FNTB: variants seen among roughly 807,000 people sequenced by gnomAD.
FNTB encodes protein farnesyltransferase subunit beta.
In FNTB, 27 loss-of-function variants were observed where a neutral mutation model predicts 59.4. That is an observed-to-expected ratio of 0.45 (90% CI 0.34 to 0.63). FNTB has a LOEUF of 0.63. Ranked by LOEUF, FNTB falls within the 20% of genes least tolerant of loss-of-function variation. FNTB has a pLI of 0.02. For synonymous variants in FNTB, 230 were observed against 220.7 expected (o/e 1.04, Z -0.37); for missense variants, 449 against 559.6 (o/e 0.80, Z 1.99).
Position 65,004,121 on chromosome 14 carries a change from G to C in FNTB, c.145-128G>C. 3 of 922,506 alleles carry C rather than the reference G, an allele frequency of 3.3e-6. No homozygotes were observed. In the South Asian group the frequency reaches 5.0e-5, roughly 15 times the overall value. 57.1% of individuals were successfully genotyped at this position (922,506 alleles called of 1,614,324 possible). Reference sequence around the variant, plus strand: ...GTCATCCTGCAGAACCCATCTTACAGTACTGTGAAGTTCCAGACCATACCA... The same window carrying C: ...GTCATCCTGCAGAACCCATCTTACACTACTGTGAAGTTCCAGACCATACCA... On this transcript the variant is annotated intron_variant, in intron 1 of 11. Transcript: ENST00000246166.
At chr14:65,049,911 A>C (rs577758438) in intron 9 of FNTB, among the ~76,000 whole-genome samples, 22 of 152,256 alleles carry the variant, frequency 1.4e-4, no homozygotes, top group Admixed American at 1.3e-3. Context: ...TACACATTAA[A>C]TATTTTCTTA....
At position 65,054,087 on chromosome 14, in the gene FNTB, GGGCTGGAGGATGGGGCTTTTATTTTAT is replaced by G. The variant is rs2062674756; in HGVS notation, c.1068-487_1068-461del. On this transcript the variant is annotated intron_variant, in intron 10 of 11. Transcript: ENST00000246166. This position sits in a 1 kb window ranked among gnomAD's most constrained non-coding sequence, Gnocchi z 4.4. ...AAAATACAGTTCCCACTGCTGGGCA[GGGCTGGAGGATGGGGCTTTTATTTTAT>G]TGTATTTTACTTTTTTGAGACAGGG... is the stretch of plus-strand genomic sequence containing the variant. Among the ~76,000 whole-genome samples, 1 of 152,110 alleles carries G rather than the reference GGGCTGGAGGATGGGGCTTTTATTTTAT, an allele frequency of 6.6e-6. No individual in the cohort carries two copies. Among genetic ancestry groups the G allele is most frequent in the African/African-American group, 2.4e-5 (1 of 41,428 alleles).
chr14:65,037,403 C>CTTTTTTTTTTTTTTTTTTTTTTTTTTTTT, intron 7 of FNTB, among the ~76,000 whole-genome samples: 9 of 29,648 alleles, frequency 3.0e-4, no homozygotes, highest in Admixed American at 8.5e-4. Context: ...ACGCCGGGCC[C>CTTTTTTTTTTTTTTTTTTTTTTTTTTTTT]TTTTTTTTTT....
intron 2 of FNTB, among the ~76,000 whole-genome samples, chr14:65,008,430 CCTGGGCCTGCCCCTG>C (rs1468133319): frequency 6.6e-6 from 1 of 152,200 alleles, no homozygotes; most frequent in Non-Finnish European, 1.5e-5. Flanking sequence ...CAAGGCTAGC[CCTGGGCCTGCCCCTG>C]CTGGGCTCTT....
chr14:64,988,986 A>G (rs1888068729), intron 1 of FNTB, among the ~76,000 whole-genome samples: 1 of 152,034 alleles, frequency 6.6e-6, no homozygotes, highest in Admixed American at 6.6e-5. Flanking sequence ...TTCACTTTTT[A>G]TGGATGAGAA....
intron 7 of FNTB, among the ~76,000 whole-genome samples, chr14:65,034,428 C>G (rs980052958): frequency 6.6e-5 from 10 of 152,214 alleles, no homozygotes; most frequent in African/African-American, 2.4e-5. Flanking sequence ...GTGTTCTAAT[C>G]TCACACTTAA....
rs999148858 is a variant in FNTB, at chr14:65,012,410, C to G, written c.282+21C>G. 1.2e-6 allele frequency: 2 copies of G among 1,613,904 alleles called. No individual in the cohort carries two copies. The highest frequency in any genetic ancestry group is 3.3e-4 in the Middle Eastern group (2 of 6,058). On this transcript the variant is annotated intron_variant, in intron 3 of 11. Transcript: ENST00000246166. The surrounding 1 kb of genome is among the most constrained non-coding windows in gnomAD (Gnocchi z 5.0). Reference sequence around the variant, plus strand: ...ATGAGGTAAACACATTACCCAGGAACTCTTGCTGTCAAATTATCCACCAAA... The same window carrying G: ...ATGAGGTAAACACATTACCCAGGAAGTCTTGCTGTCAAATTATCCACCAAA...
At chr14:65,019,004 G>C (rs1256688666) in intron 4 of FNTB, among the ~76,000 whole-genome samples, 1 of 151,936 alleles carries the variant, frequency 6.6e-6, no homozygotes, top group Non-Finnish European at 1.5e-5. Flanking sequence ...TACTCAGGAG[G>C]CTGTTTGTTT....
chr14:64,993,329 G>A (rs1324665558), intron 1 of FNTB, among the ~76,000 whole-genome samples: 1 of 152,190 alleles, frequency 6.6e-6, no homozygotes, highest in Non-Finnish European at 1.5e-5. Context: ...ACACATGGAA[G>A]TGTGAGTTTA....
At position 64,994,472 on chromosome 14, in the gene FNTB, C is replaced by G. The variant is rs1269793194; in HGVS notation, c.144+7375C>G. On this transcript the variant is annotated intron_variant, in intron 1 of 11. Transcript: ENST00000246166. This position sits in a 1 kb window ranked among gnomAD's most constrained non-coding sequence, Gnocchi z 4.2. ...CAAATGTAGATGGCATAGCCTACTA[C>G]ACACCTAGGCTATATGGTATAGCTT... Among the ~76,000 whole-genome samples, 1 of 152,156 alleles carries G rather than the reference C, an allele frequency of 6.6e-6. No individual in the cohort carries two copies. The highest frequency in any genetic ancestry group is 2.4e-5 in the African/African-American group (1 of 41,422).
intron 11 of FNTB, among the ~76,000 whole-genome samples, chr14:65,059,637 C>T (rs1029357115): frequency 6.6e-6 from 1 of 152,016 alleles, no homozygotes; most frequent in Non-Finnish European, 1.5e-5. Flanking sequence ...GCAGTTGTGT[C>T]CCCTTCTTCA....
chr14:65,017,241 C>T (rs535907364), intron 4 of FNTB, among the ~76,000 whole-genome samples: 2 of 152,176 alleles, frequency 1.3e-5, no homozygotes, highest in South Asian at 4.1e-4. Flanking sequence ...TTTTGAAATA[C>T]CAGCTCGGGG....
chr14:65,017,384 C>A (rs2061796078), intron 4 of FNTB, among the ~76,000 whole-genome samples: 1 of 152,106 alleles, frequency 6.6e-6, no homozygotes, highest in South Asian at 2.1e-4. Context: ...TTTCTGTGAG[C>A]CTGGATCTGA....
chr14:65,037,261 G>A (rs139532941), intron 7 of FNTB, among the ~76,000 whole-genome samples: 8,018 of 150,458 alleles, frequency 0.053, 719 homozygotes, highest in African/African-American at 0.18. Context: ...CCACGACCAC[G>A]CCCAGCTAAT....
intron 4 of FNTB, chr14:65,022,049 C>T: frequency 2.2e-6 from 1 of 456,070 alleles, no homozygotes. Flanking sequence ...ACTCTGTGAG[C>T]AGCAGAGGCC....
chr14:65,037,741 A>ATTAT (rs201126999), intron 7 of FNTB, among the ~76,000 whole-genome samples: 6 of 132,718 alleles, frequency 4.5e-5, no homozygotes, highest in Admixed American at 7.9e-5. Flanking sequence ...TTATTTATTT[A>ATTAT]TTATTTATTT....
chr14:65,055,254 C>G (rs2062706609), intron 11 of FNTB, among the ~76,000 whole-genome samples: 1 of 152,218 alleles, frequency 6.6e-6, no homozygotes, highest in East Asian at 1.9e-4. Flanking sequence ...ATGCTCACTG[C>G]TGCAGCCAGC....
intron 7 of FNTB, among the ~76,000 whole-genome samples, chr14:65,038,999 C>T (rs1206510965): frequency 6.6e-6 from 1 of 152,148 alleles, no homozygotes; most frequent in Non-Finnish European, 1.5e-5. Flanking sequence ...TTTTCTTTTG[C>T]TCCCTGTCTT....
chr14:64,995,227 C>G (rs921249025), intron 1 of FNTB, among the ~76,000 whole-genome samples: 1 of 152,126 alleles, frequency 6.6e-6, no homozygotes, highest in African/African-American at 2.4e-5. Flanking sequence ...CTGTCATCTC[C>G]TAGGATAACA....
Sources: gnomAD v4.1 joint callset for allele counts (sites outside exome capture counted in the v4.1 genomes callset) on GRCh38, gnomAD v4.1.1 for gene constraint, Gnocchi (gnomAD v3.1) non-coding constraint, MANE v1.5 for transcripts, NCBI Gene and HGNC (gene_info 2026-07-23, HGNC 2026-07-21) for gene names.